Variants in FOXJ3 observed in about 807,000 individuals in gnomAD.
FOXJ3 encodes forkhead box J3.
Under a neutral mutation model 76.1 loss-of-function variants are expected in FOXJ3, and 22 were observed. The observed-to-expected ratio is 0.29, with a 90% CI of 0.21 to 0.41. FOXJ3 has a LOEUF of 0.41. FOXJ3 is among the 10% of genes least tolerant of loss of function. The pLI is 1.00. For synonymous variants in FOXJ3, 269 were observed against 261.2 expected (o/e 1.03, Z -0.29); for missense variants, 613 against 762.1 (o/e 0.80, Z 2.30).
intron 3 of FOXJ3, among the ~76,000 whole-genome samples, chr1:42,276,996 C>T (rs1048819572): frequency 6.6e-6 from 1 of 152,212 alleles, no homozygotes; most frequent in Non-Finnish European, 1.5e-5. Flanking sequence ...CAGGCGTGAG[C>T]CACCATGCTC....
chr1:42,183,945 C>T (rs1361749290), intron 11 of FOXJ3, among the ~76,000 whole-genome samples: 1 of 152,100 alleles, frequency 6.6e-6, no homozygotes, highest in Non-Finnish European at 1.5e-5. Flanking sequence ...TGATAACATG[C>T]CTTTTATCAG....
chr1:42,251,848 A>G (rs1264284129), intron 4 of FOXJ3, among the ~76,000 whole-genome samples: 1 of 149,632 alleles, frequency 6.7e-6, no homozygotes, highest in African/African-American at 2.5e-5. Flanking sequence ...CCTCCCCTGT[A>G]GCTGGGACTA....
At chr1:42,237,079 T>C (rs1374472725) in intron 4 of FOXJ3, among the ~76,000 whole-genome samples, 3 of 152,070 alleles carry the variant, frequency 2.0e-5, no homozygotes, top group African/African-American at 7.2e-5. Flanking sequence ...ATTATAAGAA[T>C]ATAGGCTATT....
chr1:42,317,514 T>TAAAAAAAAAAAAAAAAAAAACA (rs1655185708), intron 1 of FOXJ3, among the ~76,000 whole-genome samples: 1 of 106,398 alleles, frequency 9.4e-6, no homozygotes, highest in African/African-American at 3.4e-5. Context: ...AGAGAAACCA[T>TAAAAAAAAAAAAAAAAAAAACA]AAAAAAAAAA....
intron 2 of FOXJ3, among the ~76,000 whole-genome samples, chr1:42,283,622 C>T (rs3768265): frequency 0.14 from 21,815 of 152,142 alleles, 1,999 homozygotes; most frequent in South Asian, 0.24. Context: ...CACTTCATTC[C>T]CGGCACATGG....
chr1:42,207,984 G>A (rs949527973), intron 5 of FOXJ3, among the ~76,000 whole-genome samples: 1 of 152,184 alleles, frequency 6.6e-6, no homozygotes, highest in African/African-American at 2.4e-5. Flanking sequence ...ATTCAACTCA[G>A]TCATCTCAGT....
intron 5 of FOXJ3, among the ~76,000 whole-genome samples, chr1:42,224,928 A>G (rs1647430969): frequency 1.3e-5 from 2 of 151,760 alleles, no homozygotes; most frequent in African/African-American, 2.4e-5. Context: ...CTCTACAAAA[A>G]ATTTTAAAAT....
At chr1:42,224,562 A>G (rs913021376) in intron 5 of FOXJ3, among the ~76,000 whole-genome samples, 3 of 151,918 alleles carry the variant, frequency 2.0e-5, no homozygotes, top group African/African-American at 7.2e-5. Flanking sequence ...GCTAAGGCAG[A>G]AGAATCACTT....
At chr1:42,312,561 C>T (rs373969679) in intron 1 of FOXJ3, among the ~76,000 whole-genome samples, 1 of 152,098 alleles carries the variant, frequency 6.6e-6, no homozygotes, top group Non-Finnish European at 1.5e-5. Flanking sequence ...CTGAAAATAA[C>T]GAAAATGCTG....
At chr1:42,309,001 C>CAAAAAAAAAAAA (rs59583552) in intron 2 of FOXJ3, among the ~76,000 whole-genome samples, 2 of 103,834 alleles carry the variant, frequency 1.9e-5, no homozygotes, top group Non-Finnish European at 3.7e-5. Context: ...AGTCGTTTTA[C>CAAAAAAAAAAAA]AAAAAAAAAA....
chr1:42,281,268 T>A (rs529976361), intron 2 of FOXJ3, among the ~76,000 whole-genome samples: 3 of 152,152 alleles, frequency 2.0e-5, no homozygotes, highest in Admixed American at 6.5e-5. Flanking sequence ...AATAAAGAAG[T>A]TCAGACACAA....
intron 4 of FOXJ3, among the ~76,000 whole-genome samples, chr1:42,251,157 GA>G (rs1165369678): frequency 6.6e-6 from 1 of 151,976 alleles, no homozygotes; most frequent in East Asian, 1.9e-4. Context: ...GACATCCAAA[GA>G]AAAGAGAAAA....
intron 2 of FOXJ3, among the ~76,000 whole-genome samples, chr1:42,283,510 C>A (rs1652860039): frequency 6.6e-6 from 1 of 151,916 alleles, no homozygotes; most frequent in Admixed American, 6.6e-5. Context: ...CAAGTTTCAA[C>A]CGTATCAAAA....
At chr1:42,263,930 C>CTTTTTT (rs61375062) in intron 4 of FOXJ3, among the ~76,000 whole-genome samples, 1 of 71,396 alleles carries the variant, frequency 1.4e-5, no homozygotes, top group African/African-American at 5.0e-5. Context: ...AGTAGGTTAA[C>CTTTTTT]TTTTTTTTTT....
intron 2 of FOXJ3, chr1:42,280,332 T>C (rs1025725048): frequency 1.0e-6 from 1 of 980,032 alleles, no homozygotes; most frequent in Non-Finnish European, 1.2e-6. Context: ...GGTATGTTGA[T>C]CCATAATTTT....
rs572436684 is a variant in FOXJ3, at chr1:42,254,681, G to C, written c.444+10434C>G. On this transcript the variant is annotated intron_variant, in intron 4 of 12. Coordinates refer to ENST00000361346, the MANE Select transcript of FOXJ3 (RefSeq NM_014947.5). ...CCTTTGTAGGGACATGGATGAAATT[G>C]GAAATCATCATTCTCAGTAAACTAT... Among the ~76,000 whole-genome samples the C allele has an allele frequency of 5.3e-3, 757 of 142,186 alleles. 12 individuals are homozygous for C. Among genetic ancestry groups the C allele is most frequent in the African/African-American group, 0.019 (719 of 38,794 alleles). 93.3% of individuals were successfully genotyped at this position (142,186 alleles called of 152,430 possible). A position where few individuals can be genotyped will look rare whatever the true frequency, so the allele number is the denominator to read the frequency against.
At chr1:42,271,307 ATTTT>A (rs549035064) in intron 3 of FOXJ3, among the ~76,000 whole-genome samples, 4 of 147,986 alleles carry the variant, frequency 2.7e-5, no homozygotes, top group African/African-American at 9.9e-5. Flanking sequence ...ATCCCTTTTC[ATTTT>A]TTTTTTAAAT....
intron 5 of FOXJ3, among the ~76,000 whole-genome samples, chr1:42,216,586 G>C (rs899676202): frequency 5.3e-5 from 8 of 151,780 alleles, no homozygotes; most frequent in African/African-American, 1.7e-4. Flanking sequence ...TAAGGCAAAA[G>C]TTATAACACT....
intron 4 of FOXJ3, among the ~76,000 whole-genome samples, chr1:42,247,986 G>C (rs1009845456): frequency 5.3e-5 from 8 of 152,212 alleles, no homozygotes; most frequent in Admixed American, 1.3e-4. Flanking sequence ...TATGCTAAGT[G>C]AAAGAAGTCC....
Sources: allele counts gnomAD v4.1 joint callset (sites outside exome capture counted in the v4.1 genomes callset), GRCh38; gene constraint gnomAD v4.1.1; transcripts MANE v1.5; gene names NCBI Gene and HGNC (gene_info 2026-07-23, HGNC 2026-07-21).